The following CDK14 variants were observed in gnomAD, a reference collection of about 807,000 sequenced individuals.
The protein encoded by CDK14 is cyclin-dependent kinase 14.
Under a neutral mutation model 60.7 loss-of-function variants are expected in CDK14, and 34 were observed. That is an observed-to-expected ratio of 0.56 (90% CI 0.43 to 0.75). The LOEUF is 0.75. Ranked by LOEUF, CDK14 falls within the 30% of genes least tolerant of loss-of-function variation. The pLI is 0.00. For synonymous variants in CDK14, 197 were observed against 203.7 expected, an observed-to-expected ratio of 0.97 and a Z score of 0.28; for missense variants, 482 against 564.1, an observed-to-expected ratio of 0.85 and a Z score of 1.47.
intron 3 of CDK14, among the ~76,000 whole-genome samples, chr7:90,742,844 T>C (rs1803406823): frequency 1.3e-5 from 2 of 152,048 alleles, no homozygotes; most frequent in South Asian, 4.1e-4. Flanking sequence ...ATTTATTGTG[T>C]ATATTTAAGA....
At chr7:90,705,500 C>A (rs534047954) in intron 2 of CDK14, among the ~76,000 whole-genome samples, 1 of 152,002 alleles carries the variant, frequency 6.6e-6, no homozygotes, top group South Asian at 2.1e-4. Context: ...GATAGCTCCA[C>A]GAAGGCTGAC....
chr7:90,660,316 T>A (rs1239992434), intron 2 of CDK14, among the ~76,000 whole-genome samples: 1 of 152,168 alleles, frequency 6.6e-6, no homozygotes, highest in Non-Finnish European at 1.5e-5. Context: ...CTCAAGTATC[T>A]ATTTACTAAC....
intron 10 of CDK14, among the ~76,000 whole-genome samples, chr7:91,018,923 A>T (rs1248564562): frequency 6.6e-6 from 1 of 152,158 alleles, no homozygotes; most frequent in Non-Finnish European, 1.5e-5. Flanking sequence ...TAATACAGAC[A>T]TTAATCCCAT....
chr7:90,665,439 C>A (rs2116515461), intron 2 of CDK14, among the ~76,000 whole-genome samples: 1 of 152,206 alleles, frequency 6.6e-6, no homozygotes, highest in Admixed American at 6.5e-5. Flanking sequence ...AGGAGTTTAG[C>A]AGAAAGCAGG....
chr7:90,749,377 CCCTT>C (rs1803727585), intron 4 of CDK14, among the ~76,000 whole-genome samples: 1 of 152,122 alleles, frequency 6.6e-6, no homozygotes, highest in Admixed American at 6.5e-5. Flanking sequence ...AGTTGCCCCA[CCCTT>C]CCTTTGCAGA....
chr7:90,651,717 C>G (rs769809484), intron 2 of CDK14, among the ~76,000 whole-genome samples: 1 of 151,996 alleles, frequency 6.6e-6, no homozygotes, highest in Non-Finnish European at 1.5e-5. Context: ...TCTTCTCCAT[C>G]TGGTCCTTTG....
intron 6 of CDK14, among the ~76,000 whole-genome samples, chr7:90,864,120 A>G (rs1485998598): frequency 1.3e-5 from 2 of 150,586 alleles, no homozygotes; most frequent in Admixed American, 6.6e-5. Context: ...AGTACTTTCC[A>G]TTTTTCCTTA....
At chr7:90,887,088 A>G (rs990647398) in intron 6 of CDK14, among the ~76,000 whole-genome samples, 3 of 152,130 alleles carry the variant, frequency 2.0e-5, no homozygotes, top group African/African-American at 7.2e-5. Flanking sequence ...TCCCCTAGCT[A>G]TATATGAGGG....
intron 7 of CDK14, among the ~76,000 whole-genome samples, chr7:90,904,438 T>C (rs969728805): frequency 2.0e-5 from 3 of 152,140 alleles, no homozygotes; most frequent in African/African-American, 7.2e-5. Context: ...AAATGTGGTA[T>C]TATTTTTGAG....
At chr7:90,624,419 A>G (rs1051577673) in intron 2 of CDK14, among the ~76,000 whole-genome samples, 2 of 152,166 alleles carry the variant, frequency 1.3e-5, no homozygotes, top group African/African-American at 4.8e-5. Flanking sequence ...TTTGTTCTCT[A>G]TATTCTGTGT....
chr7:90,639,710 C>T (rs1262057845), intron 2 of CDK14, among the ~76,000 whole-genome samples: 1 of 148,224 alleles, frequency 6.7e-6, no homozygotes, highest in African/African-American at 2.5e-5. Context: ...TGTCTGTGCC[C>T]TGCCCCCAGA....
chr7:90,840,262 G>T (rs1366800823), intron 5 of CDK14, among the ~76,000 whole-genome samples: 19 of 152,204 alleles, frequency 1.2e-4, no homozygotes, highest in Non-Finnish European at 7.3e-5. Context: ...AGTTTTCTGT[G>T]TTGGAGAGAT....
Position 91,106,722 on chromosome 7 carries a change from A to G in CDK14, c.1155-5820A>G, listed in dbSNP as rs1799312123. Among the ~76,000 whole-genome samples, 3 of 152,344 alleles carry G rather than the reference A, an allele frequency of 2.0e-5. No homozygotes were observed. In the South Asian group the frequency reaches 6.2e-4, roughly 32 times the overall value. Reference sequence around the variant, plus strand: ...TTAAATATTAAAAAGTTAAGGAGCCATCCACTTGGAGAACTGAGGGTGAAG... The same window carrying G: ...TTAAATATTAAAAAGTTAAGGAGCCGTCCACTTGGAGAACTGAGGGTGAAG... On this transcript the variant is annotated intron_variant, in intron 12 of 14. Transcript: ENST00000380050.
rs961856160 is a variant in CDK14 at position 90,711,211 on chromosome 7, G to A, written c.124-15356G>A. ...TTGATAGGCTAATTGAGAGAAATAT[G>A]GGTAACTGTTGTGGTTCACTATGAG... On this transcript the variant is annotated intron_variant, in intron 2 of 14. Coordinates refer to ENST00000380050, the MANE Select transcript of CDK14 (RefSeq NM_001287135.2). Among the ~76,000 whole-genome samples the A allele has an allele frequency of 2.0e-5, 3 of 151,952 alleles. No homozygotes were observed. The East Asian group carries it at 5.8e-4, about 29-fold the overall frequency.
intron 9 of CDK14, among the ~76,000 whole-genome samples, chr7:90,968,264 A>G (rs1794816516): frequency 1.3e-5 from 2 of 152,216 alleles, no homozygotes; most frequent in African/African-American, 4.8e-5. Context: ...GGTAGATGTC[A>G]TTAGAAAAAA....
chr7:91,007,030 CAT>C (rs1326292896), intron 10 of CDK14, among the ~76,000 whole-genome samples: 1 of 152,190 alleles, frequency 6.6e-6, no homozygotes, highest in African/African-American at 2.4e-5. Flanking sequence ...TTTATGCACT[CAT>C]ATGTTATCTT....
chr7:90,633,584 A>G (rs1320852217), intron 2 of CDK14, among the ~76,000 whole-genome samples: 1 of 152,210 alleles, frequency 6.6e-6, no homozygotes, highest in Admixed American at 6.5e-5. Context: ...GTAAGGATAG[A>G]CAAATTTTAC....
chr7:90,596,372 C>A lies in CDK14; in HGVS notation c.-256C>A, dbSNP rs574032421. On this transcript the variant is annotated 5_prime_UTR_variant, in exon 1 of 15. Coordinates refer to ENST00000380050, the MANE Select transcript of CDK14 (RefSeq NM_001287135.2). Reference sequence around the variant, plus strand: ...GCGGCGGCGCGGCGCGGGGCCACCACGGCGGCGGCGAGCGCGGCCGCCCCC... The same window carrying A: ...GCGGCGGCGCGGCGCGGGGCCACCAAGGCGGCGGCGAGCGCGGCCGCCCCC... The A allele has an allele frequency of 1.5e-3, 262 of 169,762 alleles. No individual in the cohort carries two copies. Among genetic ancestry groups the A allele is most frequent in the African/African-American group, 5.7e-3 (238 of 41,750 alleles). The allele number at this position is 169,762 out of a possible 1,614,324, so 10.5% of individuals were successfully genotyped here.
At chr7:90,628,507 A>G in intron 2 of CDK14, among the ~76,000 whole-genome samples, 1 of 152,096 alleles carries the variant, frequency 6.6e-6, no homozygotes, top group Admixed American at 6.6e-5. Context: ...GTGGATGTGA[A>G]TCACCTGGGG....
Sources: gnomAD v4.1 joint callset for allele counts (sites outside exome capture counted in the v4.1 genomes callset) on GRCh38, gnomAD v4.1.1 for gene constraint, MANE v1.5 for transcripts, NCBI Gene and HGNC (gene_info 2026-07-23, HGNC 2026-07-21) for gene names.